Variants in NUMB observed in about 807,000 individuals in gnomAD.
The protein encoded by NUMB is NUMB endocytic adaptor protein, also known as protein numb homolog.
Under a neutral mutation model 59.7 loss-of-function variants are expected in NUMB, and 29 were observed. That is an observed-to-expected ratio of 0.49 (90% CI 0.36 to 0.66). NUMB has a LOEUF of 0.66. Ranked by LOEUF, NUMB falls within the 30% of genes least tolerant of loss-of-function variation. NUMB has a pLI of 0.00. For synonymous variants in NUMB, 288 were observed against 288.2 expected (o/e 1.00, Z 0.01); for missense variants, 723 against 822.0 (o/e 0.88, Z 1.47).
At chr14:73,352,838 G>A (rs1283747044) in intron 4 of NUMB, among the ~76,000 whole-genome samples, 1 of 150,186 alleles carries the variant, frequency 6.7e-6, no homozygotes, top group South Asian at 2.1e-4. Context: ...CACCGTGCCT[G>A]CCCTGTAATA....
intron 6 of NUMB, among the ~76,000 whole-genome samples, chr14:73,308,165 C>T (rs1890570574): frequency 6.6e-6 from 1 of 152,124 alleles, no homozygotes; most frequent in Admixed American, 6.5e-5. Flanking sequence ...GAGATGCTGG[C>T]TTGGACCAGG....
chr14:73,322,904 T>A, intron 5 of NUMB: 1 of 320,818 alleles, frequency 3.1e-6, no homozygotes, highest in Admixed American at 4.9e-5. Context: ...TTGCCCAGGC[T>A]GGTCTCAAAC....
At chr14:73,414,791 C>T (rs1897054357) in intron 1 of NUMB, among the ~76,000 whole-genome samples, 1 of 152,164 alleles carries the variant, frequency 6.6e-6, no homozygotes, top group Non-Finnish European at 1.5e-5. Flanking sequence ...GTGATCTCAG[C>T]TCACTGCAAG....
At chr14:73,304,585 G>C (rs554992627) in intron 6 of NUMB, among the ~76,000 whole-genome samples, 1 of 152,236 alleles carries the variant, frequency 6.6e-6, no homozygotes, top group South Asian at 2.1e-4. Flanking sequence ...TAGGATTACA[G>C]ATGTGAGCCA....
At chr14:73,377,223 A>G (rs1894993761) in intron 2 of NUMB, among the ~76,000 whole-genome samples, 1 of 152,224 alleles carries the variant, frequency 6.6e-6, no homozygotes, top group Non-Finnish European at 1.5e-5. Flanking sequence ...TAAAGAAATA[A>G]TTAATAAGCT....
intron 1 of NUMB, among the ~76,000 whole-genome samples, chr14:73,423,909 T>C (rs1166060955): frequency 7.2e-6 from 1 of 137,984 alleles, no homozygotes; most frequent in African/African-American, 2.8e-5. Context: ...GAGGTTGCAG[T>C]GAGCTGAGAT....
chr14:73,278,745 T>TTTA (rs201063200), intron 12 of NUMB, among the ~76,000 whole-genome samples: 2 of 107,434 alleles, frequency 1.9e-5, no homozygotes, highest in African/African-American at 3.9e-5. Flanking sequence ...TTTTTTTTTT[T>TTTA]GAGACAGAGT....
intron 4 of NUMB, among the ~76,000 whole-genome samples, chr14:73,331,655 G>A (rs979709647): frequency 1.3e-5 from 2 of 152,248 alleles, no homozygotes; most frequent in East Asian, 3.9e-4. Context: ...TCAAGGGCAC[G>A]ACAAGGTGGA....
intron 3 of NUMB, among the ~76,000 whole-genome samples, chr14:73,362,031 T>G (rs2140035337): frequency 6.6e-6 from 1 of 152,054 alleles, no homozygotes; most frequent in African/African-American, 2.4e-5. Flanking sequence ...CCGAGGTGGG[T>G]GGATTGCTTG....
chr14:73,444,180 AC>A (rs1883293389), intron 1 of NUMB, among the ~76,000 whole-genome samples: 1 of 152,300 alleles, frequency 6.6e-6, no homozygotes, highest in South Asian at 2.1e-4. Flanking sequence ...CTGGTGGATC[AC>A]GACATCAGGA....
intron 2 of NUMB, among the ~76,000 whole-genome samples, chr14:73,396,127 G>A (rs954623413): frequency 6.6e-6 from 1 of 151,880 alleles, no homozygotes; most frequent in Non-Finnish European, 1.5e-5. Flanking sequence ...TCTGTCACCT[G>A]GCTGGGGTGC....
intron 4 of NUMB, among the ~76,000 whole-genome samples, chr14:73,330,146 T>C (rs1891883390): frequency 6.6e-6 from 1 of 152,142 alleles, no homozygotes; most frequent in African/African-American, 2.4e-5. Flanking sequence ...TCCTCCCACC[T>C]CAGCCCCCAA....
intron 4 of NUMB, among the ~76,000 whole-genome samples, chr14:73,347,972 G>C (rs1352981833): frequency 1.3e-5 from 2 of 152,070 alleles, no homozygotes; most frequent in African/African-American, 4.8e-5. Flanking sequence ...TGTTTTCTTG[G>C]TCAGTGAGGA....
chr14:73,309,576 T>C (rs947034170), intron 6 of NUMB, among the ~76,000 whole-genome samples: 2 of 151,370 alleles, frequency 1.3e-5, no homozygotes, highest in Admixed American at 1.3e-4. Flanking sequence ...TGTCAGAGAG[T>C]TGGGGGCAAG....
chr14:73,333,944 A>T (rs954065480), intron 4 of NUMB, among the ~76,000 whole-genome samples: 2 of 151,824 alleles, frequency 1.3e-5, no homozygotes, highest in Non-Finnish European at 2.9e-5. Context: ...AGCTCACTGC[A>T]ACCTCCACCT....
At chr14:73,444,947 G>C (rs1883366639) in intron 1 of NUMB, among the ~76,000 whole-genome samples, 1 of 151,674 alleles carries the variant, frequency 6.6e-6, no homozygotes, top group South Asian at 2.1e-4. Flanking sequence ...CCCCAAACGA[G>C]AGACTTGCAG....
In NUMB at chr14:73,363,392, T is replaced by C. The variant is rs370764791; in HGVS notation, c.-16+3505A>G. 5.9e-5 allele frequency among the ~76,000 whole-genome samples: 9 copies of C among 151,992 alleles called. No individual in the cohort carries two copies. In the South Asian group the frequency reaches 1.9e-3, roughly 32 times the overall value. On this transcript the variant is annotated intron_variant, in intron 3 of 12. Transcript: ENST00000555238. ...ACCTAACTAGAAACACAATCCTAAA[T>C]GAAACCATTTAGAATACTGCATACC...
chr14:73,437,041 CTTT>C (rs71112755), intron 1 of NUMB, among the ~76,000 whole-genome samples: 3 of 106,660 alleles, frequency 2.8e-5, no homozygotes, highest in Non-Finnish European at 3.7e-5. Flanking sequence ...TTTTCTCTCT[CTTT>C]TTTTTTTTTT....
At chr14:73,435,898 T>G (rs1005177349) in intron 1 of NUMB, among the ~76,000 whole-genome samples, 1 of 150,898 alleles carries the variant, frequency 6.6e-6, no homozygotes, top group Admixed American at 6.6e-5. Context: ...TCCAACTACT[T>G]GGGAGGCTGA....
Sources: allele counts gnomAD v4.1 joint callset (sites outside exome capture counted in the v4.1 genomes callset), GRCh38; gene constraint gnomAD v4.1.1; transcripts MANE v1.5; gene names NCBI Gene and HGNC (gene_info 2026-07-23, HGNC 2026-07-21).